GALNT13: variants seen among roughly 807,000 people sequenced by gnomAD.
GALNT13 encodes the protein polypeptide N-acetylgalactosaminyltransferase 13, also known as UDP-GalNAc:polypeptide N-acetylgalactosaminyltransferase 13.
A neutral mutation model predicts 64.2 loss-of-function variants in GALNT13; 28 were observed. That is an observed-to-expected ratio of 0.44 (90% CI 0.32 to 0.60). The LOEUF (loss-of-function observed/expected upper bound fraction) is 0.60. Among genes scored for constraint, GALNT13 ranks in the 20% least tolerant of loss-of-function variants. GALNT13 has a pLI of 0.05. For missense variants in GALNT13, 577 were observed against 669.8 expected (o/e 0.86, Z 1.53); for synonymous variants, 214 against 224.6 (o/e 0.95, Z 0.42).
At chr2:154,354,799 T>A (rs1696636341) in intron 9 of GALNT13, among the ~76,000 whole-genome samples, 1 of 151,986 alleles carries the variant, frequency 6.6e-6, no homozygotes, top group Admixed American at 6.6e-5. Context: ...CTGCCAGACA[T>A]CATACTTCGT....
At chr2:154,318,040 C>A (rs929260356) in intron 9 of GALNT13, among the ~76,000 whole-genome samples, 10 of 152,012 alleles carry the variant, frequency 6.6e-5, no homozygotes, top group African/African-American at 2.2e-4. Context: ...AAATGCCTTT[C>A]TTTAAAATAC....
At chr2:153,251,988 T>C in the GALNT13 span, among the ~76,000 whole-genome samples, 1 of 151,882 alleles carries the variant, frequency 6.6e-6, no homozygotes, top group African/African-American at 2.4e-5. Flanking sequence ...ATATACCCAG[T>C]AAAGGGATGG....
chr2:154,107,987 T>C (rs953266806), intron 3 of GALNT13, among the ~76,000 whole-genome samples: 2 of 152,176 alleles, frequency 1.3e-5, no homozygotes, highest in African/African-American at 4.8e-5. Context: ...ACCACATTTC[T>C]TTATTCATTT....
intron 3 of GALNT13, among the ~76,000 whole-genome samples, chr2:154,079,227 T>C (rs1701145714): frequency 6.6e-6 from 1 of 151,572 alleles, no homozygotes; most frequent in Non-Finnish European, 1.5e-5. Flanking sequence ...TATTGATGAA[T>C]TTATAATTAG....
intron 4 of GALNT13, among the ~76,000 whole-genome samples, chr2:154,209,010 T>A (rs2105795794): frequency 6.6e-6 from 1 of 152,214 alleles, no homozygotes; most frequent in Middle Eastern, 3.4e-3. Context: ...TATGGCTTTA[T>A]AAACATTGAA....
chr2:153,800,296 G>T, the GALNT13 span, among the ~76,000 whole-genome samples: 1 of 151,990 alleles, frequency 6.6e-6, no homozygotes, highest in East Asian at 1.9e-4. Flanking sequence ...ATACCTTAAA[G>T]AAAAAATAAT....
chr2:153,371,062 A>G, the GALNT13 span: 18 of 207,924 alleles, frequency 8.7e-5, no homozygotes, highest in Non-Finnish European at 1.6e-4. Flanking sequence ...AATTGGGATT[A>G]TTAAAACTGA....
chr2:153,164,641 T>C, the GALNT13 span, among the ~76,000 whole-genome samples: 16 of 152,230 alleles, frequency 1.1e-4, no homozygotes, highest in South Asian at 3.3e-3. Flanking sequence ...CTCCAAAAAT[T>C]TTCTTGTGTT....
the GALNT13 span, among the ~76,000 whole-genome samples, chr2:153,258,600 A>C: frequency 6.6e-6 from 1 of 152,136 alleles, no homozygotes; most frequent in Non-Finnish European, 1.5e-5. Context: ...TATTGCTATA[A>C]ACTTTCCTCT....
intron 3 of GALNT13, among the ~76,000 whole-genome samples, chr2:153,979,433 T>G (rs1293120837): frequency 6.6e-6 from 1 of 152,134 alleles, no homozygotes; most frequent in African/African-American, 2.4e-5. Context: ...GAATTAAAAA[T>G]AGATTCTCTG....
At chr2:153,665,597 C>T in the GALNT13 span, among the ~76,000 whole-genome samples, 1 of 151,910 alleles carries the variant, frequency 6.6e-6, no homozygotes, top group South Asian at 2.1e-4. Context: ...AAGAAGAATA[C>T]CCATCATTTA....
intron 9 of GALNT13, among the ~76,000 whole-genome samples, chr2:154,344,422 C>T (rs974759722): frequency 2.6e-5 from 4 of 151,994 alleles, no homozygotes; most frequent in African/African-American, 9.7e-5. Context: ...GACATCAATG[C>T]TTTCACAAAG....
chr2:153,086,860 C>A, the GALNT13 span, among the ~76,000 whole-genome samples: 27 of 152,036 alleles, frequency 1.8e-4, no homozygotes, highest in East Asian at 1.2e-3. Flanking sequence ...AGAATTAATT[C>A]ATCAGATTTA....
the GALNT13 span, among the ~76,000 whole-genome samples, chr2:153,757,461 C>A: frequency 6.6e-6 from 1 of 152,120 alleles, no homozygotes; most frequent in East Asian, 1.9e-4. Context: ...AATAAAGCTA[C>A]AATAAACATG....
intron 2 of GALNT13, among the ~76,000 whole-genome samples, chr2:153,909,613 G>A (rs1393675965): frequency 1.3e-5 from 2 of 152,048 alleles, no homozygotes; most frequent in Non-Finnish European, 2.9e-5. Flanking sequence ...TCAATATGTA[G>A]CTTGTTGAGA....
chr2:153,181,030 C>CTTTTTTTTTTTTT, the GALNT13 span, among the ~76,000 whole-genome samples: 95 of 32,056 alleles, frequency 3.0e-3, 1 homozygote, highest in East Asian at 4.6e-3. Context: ...TTTATTGTTT[C>CTTTTTTTTTTTTT]TTTTTTTTTT....
the GALNT13 span, among the ~76,000 whole-genome samples, chr2:153,342,444 G>A: frequency 3.3e-5 from 5 of 152,208 alleles, no homozygotes; most frequent in African/African-American, 4.8e-5. Flanking sequence ...CTAATGAGCA[G>A]TGGTGTTCAA....
chr2:153,835,666 A>G, the GALNT13 span, among the ~76,000 whole-genome samples: 2 of 152,000 alleles, frequency 1.3e-5, no homozygotes, highest in Non-Finnish European at 2.9e-5. Context: ...CAATTTGTCT[A>G]TGCTTCATAA....
the GALNT13 span, among the ~76,000 whole-genome samples, chr2:153,096,865 A>G: frequency 5.9e-5 from 9 of 152,242 alleles, no homozygotes; most frequent in African/African-American, 1.7e-4. Context: ...TTTACATTCA[A>G]TGTTATTATT....
Sources: gnomAD v4.1 joint callset for allele counts (sites outside exome capture counted in the v4.1 genomes callset) on GRCh38, gnomAD v4.1.1 for gene constraint, MANE v1.5 for transcripts, NCBI Gene and HGNC (gene_info 2026-07-23, HGNC 2026-07-21) for gene names.